The following CTNNA2 variants were observed in gnomAD, a reference collection of about 807,000 sequenced individuals.
The protein encoded by CTNNA2 is catenin alpha 2.
Under a neutral mutation model 101.0 loss-of-function variants are expected in CTNNA2, and 42 were observed. The observed-to-expected ratio is 0.42, with a 90% CI of 0.32 to 0.54. The LOEUF is 0.54. CTNNA2 is among the 20% of genes least tolerant of loss of function. The pLI is 0.14. For missense variants in CTNNA2, 871 were observed against 1,223.1 expected (o/e 0.71, Z 4.29); for synonymous variants, 450 against 456.4 (o/e 0.99, Z 0.18).
chr2:79,758,010 G>A (rs1264617863), intron 3 of CTNNA2, among the ~76,000 whole-genome samples: 2 of 152,112 alleles, frequency 1.3e-5, no homozygotes, highest in African/African-American at 2.4e-5. Context: ...TAAGCTTTCT[G>A]ACACATCAGT....
intron 1 of CTNNA2, among the ~76,000 whole-genome samples, chr2:79,606,807 C>A (rs949908318): frequency 1.3e-5 from 2 of 151,810 alleles, no homozygotes; most frequent in Non-Finnish European, 2.9e-5. Flanking sequence ...TGTTAATAAG[C>A]CAACAAAGAA....
intron 7 of CTNNA2, among the ~76,000 whole-genome samples, chr2:80,331,093 A>G (rs1671286319): frequency 6.6e-6 from 1 of 150,834 alleles, no homozygotes; most frequent in Non-Finnish European, 1.5e-5. Flanking sequence ...TTGTGAGAAC[A>G]GTCCATTTCC....
chr2:79,350,138 A>C (rs2104437743), intron 3 of CTNNA2, among the ~76,000 whole-genome samples: 1 of 152,124 alleles, frequency 6.6e-6, no homozygotes. Flanking sequence ...TTTCTTTCTA[A>C]AAATTATTTC....
intron 2 of CTNNA2, among the ~76,000 whole-genome samples, chr2:79,211,547 G>C (rs750258805): frequency 2.6e-5 from 4 of 152,178 alleles, no homozygotes; most frequent in African/African-American, 4.8e-5. Flanking sequence ...AGGAGTGGAG[G>C]TCACAAGATG....
chr2:79,415,001 G>A (rs774415451), intron 4 of CTNNA2, among the ~76,000 whole-genome samples: 11 of 152,146 alleles, frequency 7.2e-5, no homozygotes, highest in Non-Finnish European at 1.3e-4. Flanking sequence ...TTGTTACATA[G>A]CAATAGGTAA....
intron 3 of CTNNA2, among the ~76,000 whole-genome samples, chr2:79,371,850 C>A (rs757667645): frequency 1.1e-4 from 16 of 152,152 alleles, no homozygotes; most frequent in Non-Finnish European, 1.9e-4. Flanking sequence ...CCCAGGACTC[C>A]TGGTGATCCT....
At chr2:80,464,650 C>T (rs1684710895) in intron 9 of CTNNA2, among the ~76,000 whole-genome samples, 2 of 152,102 alleles carry the variant, frequency 1.3e-5, no homozygotes, top group Non-Finnish European at 2.9e-5. Flanking sequence ...TTCTCTAATG[C>T]CTCCCCCAAC....
intron 4 of CTNNA2, among the ~76,000 whole-genome samples, chr2:79,465,049 G>A (rs1670918787): frequency 6.6e-6 from 1 of 152,148 alleles, no homozygotes; most frequent in Non-Finnish European, 1.5e-5. Context: ...TGGACATGAA[G>A]TCCTTGCCCA....
chr2:79,351,303 A>G (rs1257350847), intron 3 of CTNNA2, among the ~76,000 whole-genome samples: 2 of 152,178 alleles, frequency 1.3e-5, no homozygotes, highest in Non-Finnish European at 2.9e-5. Context: ...CATATAATCT[A>G]TCTTGAGTTA....
At chr2:79,658,782 A>G (rs1681802255) in intron 2 of CTNNA2, among the ~76,000 whole-genome samples, 1 of 152,134 alleles carries the variant, frequency 6.6e-6, no homozygotes, top group East Asian at 1.9e-4. Context: ...AAAGTAGCCA[A>G]ATAGGGAAGG....
At chr2:79,220,111 G>C (rs1674322157) in intron 2 of CTNNA2, among the ~76,000 whole-genome samples, 1 of 151,990 alleles carries the variant, frequency 6.6e-6, no homozygotes, top group Non-Finnish European at 1.5e-5. Flanking sequence ...CTCTTAATCA[G>C]CGCTTCCCCC....
intron 7 of CTNNA2, among the ~76,000 whole-genome samples, chr2:80,169,077 T>C (rs1031760280): frequency 2.6e-5 from 4 of 152,228 alleles, no homozygotes; most frequent in Non-Finnish European, 2.9e-5. Context: ...GCCTTTATCC[T>C]GCACCACACT....
intron 1 of CTNNA2, among the ~76,000 whole-genome samples, chr2:79,566,430 A>G (rs1292440833): frequency 6.6e-6 from 1 of 152,218 alleles, no homozygotes; most frequent in Non-Finnish European, 1.5e-5. Flanking sequence ...GATTTCATTA[A>G]GAGAAAAATG....
intron 1 of CTNNA2, among the ~76,000 whole-genome samples, chr2:79,586,812 C>A (rs1433406312): frequency 6.6e-6 from 1 of 151,914 alleles, no homozygotes; most frequent in African/African-American, 2.4e-5. Flanking sequence ...GTCTTTTATC[C>A]CTCACCACCC....
chr2:80,083,304 T>C (rs1699256868), intron 7 of CTNNA2, among the ~76,000 whole-genome samples: 1 of 152,202 alleles, frequency 6.6e-6, no homozygotes, highest in Admixed American at 6.5e-5. Flanking sequence ...AGAATGGATC[T>C]AGACTGAAAC....
chr2:79,462,002 G>A (rs1359756810), intron 4 of CTNNA2, among the ~76,000 whole-genome samples: 1 of 151,956 alleles, frequency 6.6e-6, no homozygotes, highest in Non-Finnish European at 1.5e-5. Context: ...ACAGGCAAAT[G>A]TACAGTGTGT....
intron 3 of CTNNA2, among the ~76,000 whole-genome samples, chr2:79,793,444 A>G (rs963930345): frequency 6.6e-6 from 1 of 152,190 alleles, no homozygotes; most frequent in Non-Finnish European, 1.5e-5. Context: ...TATATTGGAC[A>G]GGAAACACCC....
chr2:80,242,641 A>T (rs190324191), intron 7 of CTNNA2, among the ~76,000 whole-genome samples: 1 of 152,176 alleles, frequency 6.6e-6, no homozygotes, highest in Admixed American at 6.5e-5. Context: ...AAACGTTTAC[A>T]TCTGTCCCAG....
At position 80,619,197 on chromosome 2, in the gene CTNNA2, C is replaced by T. The variant is rs142175705; in HGVS notation, c.2543C>T (p.Pro848Leu). 5.0e-6 allele frequency: 8 copies of T among 1,585,154 alleles called. No individual in the cohort carries two copies. The East Asian group carries it at 6.9e-5, about 14-fold the overall frequency. The change falls in exon 18 of 19, where the codon CCG (proline) becomes CTG (leucine). Residue 848 changes from proline to leucine, a missense_variant. Coordinates refer to ENST00000402739, the MANE Select transcript of CTNNA2 (RefSeq NM_001282597.3). ...CTCCCAACCTGTGCTGAGGGAGCTC[C>T]GATCGGGAGTGGAAGCAGTGATTCC... is the stretch of plus-strand genomic sequence containing the variant. ...THLPTCAEGA[P>L]IGSGSSDSSM...
Sources: gnomAD v4.1 joint callset for allele counts (sites outside exome capture counted in the v4.1 genomes callset) on GRCh38, gnomAD v4.1.1 for gene constraint, MANE v1.5 for transcripts, NCBI Gene and HGNC (gene_info 2026-07-23, HGNC 2026-07-21) for gene names.